PLSCR5: variants seen among roughly 807,000 people sequenced by gnomAD.
PLSCR5 encodes phospholipid scramblase family member 5.
PLSCR5 carries 44 observed loss-of-function variants against 33.6 expected under a neutral mutation model. That is an observed-to-expected ratio of 1.31 (90% CI 1.03 to 1.69). PLSCR5 has a LOEUF of 1.69. Ranked by LOEUF, PLSCR5 falls within the 40% of genes most tolerant of loss-of-function variation. The pLI is 0.00. For missense variants in PLSCR5, 375 were observed against 318.7 expected, an observed-to-expected ratio of 1.18 and a Z score of -1.34; for synonymous variants, 148 against 112.3, an observed-to-expected ratio of 1.32 and a Z score of -2.01.
At chr3:146,587,718 A>T (rs2044677073) in intron 6 of PLSCR5, among the ~76,000 whole-genome samples, 1 of 152,100 alleles carries the variant, frequency 6.6e-6, no homozygotes, top group Admixed American at 6.6e-5. Context: ...GGGAGTTGAG[A>T]GTAAGTGACA....
At chr3:146,596,755 G>A (rs72988660) in intron 2 of PLSCR5, among the ~76,000 whole-genome samples, 12,036 of 151,984 alleles carry the variant, frequency 0.079, 533 homozygotes, top group East Asian at 0.16. Flanking sequence ...CATTCTCCTT[G>A]TATGTCCTAA....
At chr3:146,581,037 T>C (rs2044630018), downstream of PLSCR5, among the ~76,000 whole-genome samples, 2 of 152,114 alleles carry the variant, frequency 1.3e-5, no homozygotes, top group Non-Finnish European at 2.9e-5. Context: ...GTACACACAC[T>C]CTGAAAGACA....
intron 7 of PLSCR5, among the ~76,000 whole-genome samples, chr3:146,577,623 T>C (rs2044607335): frequency 6.6e-6 from 1 of 152,104 alleles, no homozygotes; most frequent in African/African-American, 2.4e-5. Context: ...ATGGAAACTG[T>C]CCATCAATTC....
chr3:146,603,893 T>C (rs1268056176), intron 1 of PLSCR5, among the ~76,000 whole-genome samples: 1 of 152,132 alleles, frequency 6.6e-6, no homozygotes, highest in Non-Finnish European at 1.5e-5. Flanking sequence ...TTCATGATTT[T>C]GCTATTTCAC....
chr3:146,601,182 T>C (rs1437582932), intron 1 of PLSCR5, among the ~76,000 whole-genome samples: 1 of 151,878 alleles, frequency 6.6e-6, no homozygotes, highest in Non-Finnish European at 1.5e-5. Flanking sequence ...AATCATCTTT[T>C]ATTTTGAAAT....
intron 7 of PLSCR5, among the ~76,000 whole-genome samples, chr3:146,580,705 C>T (rs2044628123): frequency 6.6e-6 from 1 of 152,072 alleles, no homozygotes; most frequent in African/African-American, 2.4e-5. Flanking sequence ...TCAGGCAAGC[C>T]GCCCGCCTTG....
rs2044854686 is a variant in PLSCR5 at position 146,605,223 on chromosome 3, G to C, written c.-11C>G. ...ACCTTTAGAGGCCATGAAGATGTCT[G>C]AGTCACTTCTTCAAAGGTTGCCAGG... On this transcript the variant is annotated 5_prime_UTR_variant, in exon 1 of 8. Transcript: ENST00000443512. 6.2e-7 allele frequency: 1 copy of C among 1,611,272 alleles called. No individual in the cohort carries two copies. The highest frequency in any genetic ancestry group is 8.5e-7 in the Non-Finnish European group (1 of 1,178,260).
chr3:146,589,624 T>C (rs1240085325), intron 6 of PLSCR5, 29 bp downstream of exon 6: 1 of 1,492,298 alleles, frequency 6.7e-7, no homozygotes, highest in South Asian at 1.3e-5. Flanking sequence ...GAATAACAAA[T>C]CACTCATGCT....
chr3:146,604,776 C>T (rs1463743585), intron 1 of PLSCR5, among the ~76,000 whole-genome samples: 2 of 151,736 alleles, frequency 1.3e-5, no homozygotes, highest in Non-Finnish European at 2.9e-5. Flanking sequence ...TACTATGTAC[C>T]CACATAAATT....
chr3:146,589,584 G>A (rs343288), intron 6 of PLSCR5, 69 bp downstream of exon 6: 523,732 of 1,320,244 alleles, frequency 0.4, 105,593 homozygotes, highest in East Asian at 0.6. Flanking sequence ...AAATGGGATA[G>A]GCTATATTGT....
At chr3:146,601,610 A>T (rs2044816467) in intron 1 of PLSCR5, among the ~76,000 whole-genome samples, 1 of 152,174 alleles carries the variant, frequency 6.6e-6, no homozygotes. Context: ...ATTGACAACA[A>T]GTAGGAAATT....
At chr3:146,592,642 G>A (rs1309012604) in intron 4 of PLSCR5, among the ~76,000 whole-genome samples, 2 of 152,022 alleles carry the variant, frequency 1.3e-5, no homozygotes, top group Admixed American at 1.3e-4. Context: ...TTATGCATAT[G>A]TCTATAATGT....
At chr3:146,589,968 G>A (rs964777630) in intron 5 of PLSCR5, 154 bp from the exon 6 acceptor site, 5 of 476,010 alleles carry the variant, frequency 1.1e-5, no homozygotes, top group Admixed American at 4.3e-5. Context: ...ATAAGCATAG[G>A]TTTGTAAATT....
rs572778683 is a variant in PLSCR5 at position 146,601,767 on chromosome 3, G to T, written c.14-1304C>A. On this transcript the variant is annotated intron_variant, in intron 1 of 7. Coordinates refer to ENST00000443512, the MANE Select transcript of PLSCR5 (RefSeq NM_001085420.2). ...CATGAATGTTTGTGTGTGGGGCAGGGGGGTGGTGAAGAAACATCTTTATCT... is the reference window on the plus strand; with the variant it reads ...CATGAATGTTTGTGTGTGGGGCAGGTGGGTGGTGAAGAAACATCTTTATCT... Among the ~76,000 whole-genome samples the T allele has an allele frequency of 5.9e-3, 903 of 152,144 alleles. 8 individuals are homozygous for T. The highest frequency in any genetic ancestry group is 0.021 in the African/African-American group (852 of 41,522).
rs750024059 is a variant in PLSCR5, at chr3:146,605,172, G to C, written c.13+28C>G. 2.6e-5 allele frequency: 41 copies of C among 1,596,680 alleles called. 1 individual carries two copies. Among genetic ancestry groups the C allele is most frequent in the Middle Eastern group, 3.3e-4 (2 of 6,000 alleles). ...ATTTTTAGTCTTAATATAAGAAAAA[G>C]TTATTAGTTGGTTATATTTACTCTT... On this transcript the variant is annotated intron_variant, in intron 1 of 7. Coordinates refer to ENST00000443512, the MANE Select transcript of PLSCR5 (RefSeq NM_001085420.2).
At chr3:146,578,780 A>G (rs954655953) in intron 7 of PLSCR5, among the ~76,000 whole-genome samples, 2 of 152,132 alleles carry the variant, frequency 1.3e-5, no homozygotes, top group African/African-American at 4.8e-5. Flanking sequence ...AAAATATCAA[A>G]TTTTAATATT....
intron 2 of PLSCR5, among the ~76,000 whole-genome samples, chr3:146,598,782 CAGATGGA>C: frequency 6.6e-6 from 1 of 152,306 alleles, no homozygotes; most frequent in East Asian, 1.9e-4. Flanking sequence ...ATCCTTTCTG[CAGATGGA>C]AGATGGTAGG....
chr3:146,579,777 T>A (rs1435002439), intron 7 of PLSCR5, among the ~76,000 whole-genome samples: 2 of 152,214 alleles, frequency 1.3e-5, no homozygotes, highest in Non-Finnish European at 2.9e-5. Flanking sequence ...AAAATATTAG[T>A]TGAATCATCA....
rs754875467 is a variant in PLSCR5, at chr3:146,605,183, G to C, written c.13+17C>G. The stretch of plus-strand genomic sequence containing the variant: ...TAATATAAGAAAAAGTTATTAGTTG[G>C]TTATATTTACTCTTACCTTTAGAGG... On this transcript the variant is annotated intron_variant, in intron 1 of 7. Transcript: ENST00000443512. 7 of 1,603,824 alleles carry C rather than the reference G, an allele frequency of 4.4e-6. No homozygotes were observed. The Admixed American group carries it at 6.7e-5, about 15-fold the overall frequency.
Sources: gnomAD v4.1 joint callset for allele counts (sites outside exome capture counted in the v4.1 genomes callset) on GRCh38, gnomAD v4.1.1 for gene constraint, MANE v1.5 for transcripts, NCBI Gene and HGNC (gene_info 2026-07-23, HGNC 2026-07-21) for gene names.